Variants in UGGT2 observed in about 807,000 individuals in gnomAD.
UGGT2 encodes UDP-glucose:glycoprotein glucosyltransferase 2.
UGGT2 carries 180 observed loss-of-function variants against 192.1 expected under a neutral mutation model. The ratio of observed to expected loss-of-function variants is 0.94; its 90% confidence interval spans 0.83 to 1.06. The LOEUF is 1.06. UGGT2 is among the 50% of genes least tolerant of loss of function. UGGT2 has a pLI of 0.00. For missense variants in UGGT2, 1,849 were observed against 1,795.7 expected, an observed-to-expected ratio of 1.03 and a Z score of -0.54; for synonymous variants, 580 against 591.0, an observed-to-expected ratio of 0.98 and a Z score of 0.27.
intron 5 of UGGT2, among the ~76,000 whole-genome samples, chr13:96,006,556 G>A (rs563220454): frequency 1.5e-4 from 22 of 150,054 alleles, no homozygotes; most frequent in African/African-American, 2.0e-4. Context: ...CCCAGGAGGC[G>A]GAGGCTGCAG....
At chr13:96,019,883 T>C (rs761823950) in intron 4 of UGGT2, among the ~76,000 whole-genome samples, 1 of 152,146 alleles carries the variant, frequency 6.6e-6, no homozygotes, top group East Asian at 1.9e-4. Context: ...CCTGGTGAAA[T>C]GGTAGCAGAG....
intron 1 of UGGT2, among the ~76,000 whole-genome samples, chr13:96,047,214 C>G (rs902192220): frequency 1.3e-5 from 2 of 152,228 alleles, no homozygotes; most frequent in South Asian, 4.1e-4. Context: ...TGGGGAGGCA[C>G]TTCCCAGTAG....
At chr13:95,829,078 G>A (rs6492822) in intron 38 of UGGT2, among the ~76,000 whole-genome samples, 119,829 of 152,114 alleles carry the variant, frequency 0.79, 47,988 homozygotes, top group East Asian at 0.94. Context: ...CCACATGATT[G>A]TGTCAACAGA....
intron 29 of UGGT2, among the ~76,000 whole-genome samples, chr13:95,870,396 G>A (rs1247308625): frequency 6.6e-6 from 1 of 152,182 alleles, no homozygotes; most frequent in Non-Finnish European, 1.5e-5. Flanking sequence ...TTGGAACTTA[G>A]AAGTGAGCGG....
At chr13:95,869,263 A>C (rs1891003697) in intron 29 of UGGT2, among the ~76,000 whole-genome samples, 1 of 152,102 alleles carries the variant, frequency 6.6e-6, no homozygotes, top group Non-Finnish European at 1.5e-5. Context: ...TATATGTGCC[A>C]CATTTTCTTA....
At chr13:96,042,297 C>T (rs1004914521) in intron 1 of UGGT2, among the ~76,000 whole-genome samples, 4 of 152,150 alleles carry the variant, frequency 2.6e-5, no homozygotes, top group Admixed American at 2.6e-4. Flanking sequence ...CAGGAAGCCA[C>T]ATCTGTAGGA....
chr13:95,942,000 A>G (rs1029977396), intron 15 of UGGT2, among the ~76,000 whole-genome samples: 2 of 152,190 alleles, frequency 1.3e-5, no homozygotes, highest in Admixed American at 1.3e-4. Context: ...AGCTTTAAGA[A>G]GTATATGGTA....
intron 6 of UGGT2, among the ~76,000 whole-genome samples, chr13:95,996,668 A>T (rs2051632252): frequency 6.6e-6 from 1 of 152,156 alleles, no homozygotes; most frequent in Admixed American, 6.5e-5. Context: ...ACTATAATAA[A>T]GTGCTTTATA....
chr13:95,921,366 G>A (rs1011028480), intron 20 of UGGT2, among the ~76,000 whole-genome samples: 1 of 148,826 alleles, frequency 6.7e-6, no homozygotes, highest in Non-Finnish European at 1.5e-5. Flanking sequence ...AAAAAAAAAG[G>A]TGGTGACAGT....
At chr13:95,947,010 CAA>C in intron 15 of UGGT2, 25 bp downstream of exon 15, 9 of 1,522,276 alleles carry the variant, frequency 5.9e-6, no homozygotes, top group Admixed American at 2.4e-5. Context: ...ACCTTCTAAA[CAA>C]ATCACATTTA....
At chr13:96,018,775 T>C (rs2052419517) in intron 4 of UGGT2, among the ~76,000 whole-genome samples, 1 of 147,614 alleles carries the variant, frequency 6.8e-6, no homozygotes, top group Non-Finnish European at 1.5e-5. Context: ...AAACCAAGTG[T>C]TTAGCTCAAC....
intron 20 of UGGT2, among the ~76,000 whole-genome samples, chr13:95,921,732 C>T (rs1418119082): frequency 6.6e-6 from 1 of 152,008 alleles, no homozygotes; most frequent in African/African-American, 2.4e-5. Flanking sequence ...AATGAGATAC[C>T]ATCTCATACC....
At chr13:95,981,885 A>G (rs2140859374) in intron 10 of UGGT2, among the ~76,000 whole-genome samples, 2 of 152,316 alleles carry the variant, frequency 1.3e-5, no homozygotes, top group Admixed American at 1.3e-4. Flanking sequence ...AGTGGGTAAC[A>G]TGGACTGCTA....
At chr13:95,807,716 CTTTTTTT>C in intron 38 of UGGT2, among the ~76,000 whole-genome samples, 1 of 78,706 alleles carries the variant, frequency 1.3e-5, no homozygotes, top group Non-Finnish European at 2.6e-5. Flanking sequence ...CAGCCCTCAC[CTTTTTTT>C]TTTTTTTTTT....
At chr13:95,887,662 A>C (rs2047682805) in intron 26 of UGGT2, among the ~76,000 whole-genome samples, 1 of 152,192 alleles carries the variant, frequency 6.6e-6, no homozygotes, top group Non-Finnish European at 1.5e-5. Context: ...AATAAATATA[A>C]ATCCATGTAA....
intron 5 of UGGT2, among the ~76,000 whole-genome samples, chr13:96,000,619 T>C (rs1263253334): frequency 1.3e-5 from 2 of 152,210 alleles, no homozygotes; most frequent in Non-Finnish European, 2.9e-5. Flanking sequence ...ACCAATCAGT[T>C]GGTGGCTAAG....
At chr13:96,051,045 C>A (rs137921736) in intron 1 of UGGT2, among the ~76,000 whole-genome samples, 43 of 152,094 alleles carry the variant, frequency 2.8e-4, no homozygotes, top group Non-Finnish European at 5.7e-4. Flanking sequence ...ATGTTTATTG[C>A]GGCACTATTC....
intron 12 of UGGT2, among the ~76,000 whole-genome samples, chr13:95,949,717 A>G (rs2049997169): frequency 6.6e-6 from 1 of 152,158 alleles, no homozygotes; most frequent in Non-Finnish European, 1.5e-5. Flanking sequence ...CCAACGTAAA[A>G]TTGTATGAAA....
intron 13 of UGGT2, 86 bp from the exon 14 acceptor site, chr13:95,948,167 G>A (rs2140600908): frequency 2.1e-6 from 2 of 966,760 alleles, no homozygotes; most frequent in South Asian, 3.0e-5. Flanking sequence ...GTGACTGAAA[G>A]TATGAAATTC....
Sources: allele counts gnomAD v4.1 joint callset (sites outside exome capture counted in the v4.1 genomes callset), GRCh38; gene constraint gnomAD v4.1.1; transcripts MANE v1.5; gene names NCBI Gene and HGNC (gene_info 2026-07-23, HGNC 2026-07-21).